The following ZNF521 variants were observed in gnomAD, a reference collection of about 807,000 sequenced individuals.
The protein encoded by ZNF521 is LYST-interacting protein 3.
ZNF521 carries 14 observed loss-of-function variants against 105.5 expected under a neutral mutation model. That is an observed-to-expected ratio of 0.13 (90% CI 0.09 to 0.21). The LOEUF is 0.21. Among genes scored for constraint, ZNF521 ranks in the 10% least tolerant of loss-of-function variants. The pLI, the probability that ZNF521 is intolerant of heterozygous loss-of-function variation, is 1.00. For synonymous variants in ZNF521, 635 were observed against 606.0 expected (o/e 1.05, Z -0.70); for missense variants, 1,233 against 1,629.7 (o/e 0.76, Z 4.19).
At chr18:25,120,582 T>TAAAAA (rs796811110) in intron 5 of ZNF521, among the ~76,000 whole-genome samples, 1 of 11,366 alleles carries the variant, frequency 8.8e-5, no homozygotes, top group African/African-American at 1.6e-4. Flanking sequence ...AAACTCCATC[T>TAAAAA]AAAAAAAAAA....
At chr18:25,273,352 T>A (rs1331302202) in intron 3 of ZNF521, 1 of 150,356 alleles carries the variant, frequency 6.7e-6, no homozygotes, top group Non-Finnish European at 1.5e-5. Flanking sequence ...CCCTACTGGA[T>A]AGCTTCCCTC....
intron 5 of ZNF521, among the ~76,000 whole-genome samples, chr18:25,111,421 T>C (rs1464383260): frequency 6.6e-6 from 1 of 152,208 alleles, no homozygotes; most frequent in Non-Finnish European, 1.5e-5. Flanking sequence ...TGAGGACTCA[T>C]GTGATTTTAA....
chr18:25,307,070 C>G (rs1031328153), intron 3 of ZNF521, among the ~76,000 whole-genome samples: 1 of 152,124 alleles, frequency 6.6e-6, no homozygotes, highest in Admixed American at 6.5e-5. Context: ...AGAGACACAA[C>G]TAATCAATTA....
intron 3 of ZNF521, among the ~76,000 whole-genome samples, chr18:25,239,792 GAGA>G (rs766035532): frequency 3.3e-5 from 5 of 152,154 alleles, no homozygotes; most frequent in Non-Finnish European, 5.9e-5. Flanking sequence ...GAGGGGGGAG[GAGA>G]AGGAGGGCTT....
At chr18:25,311,539 G>T (rs1912309333) in intron 3 of ZNF521, among the ~76,000 whole-genome samples, 3 of 152,060 alleles carry the variant, frequency 2.0e-5, no homozygotes, top group Admixed American at 2.0e-4. Flanking sequence ...ACTGCAGAGG[G>T]CCTAAGAAAT....
intron 3 of ZNF521, among the ~76,000 whole-genome samples, chr18:25,316,678 CT>C (rs1912638783): frequency 6.6e-6 from 1 of 152,100 alleles, no homozygotes; most frequent in Non-Finnish European, 1.5e-5. Context: ...TGGATCGTTC[CT>C]GATTTCATTT....
At chr18:25,155,417 T>A (rs1348535249) in intron 5 of ZNF521, among the ~76,000 whole-genome samples, 2 of 152,146 alleles carry the variant, frequency 1.3e-5, no homozygotes, top group Non-Finnish European at 2.9e-5. Flanking sequence ...AGTTTTTTAG[T>A]TTGATGTAGC....
At chr18:25,064,440 A>G (rs1043449103) in intron 7 of ZNF521, among the ~76,000 whole-genome samples, 2 of 152,254 alleles carry the variant, frequency 1.3e-5, no homozygotes, top group African/African-American at 4.8e-5. Context: ...GTACGTTTGC[A>G]GACCTGCAAC....
At chr18:25,248,704 G>A (rs1427164710) in intron 3 of ZNF521, among the ~76,000 whole-genome samples, 2 of 152,108 alleles carry the variant, frequency 1.3e-5, no homozygotes, top group African/African-American at 4.8e-5. Flanking sequence ...GTAAGACCTT[G>A]CAGGCACTGG....
intron 4 of ZNF521, among the ~76,000 whole-genome samples, chr18:25,210,984 G>T (rs181635551): frequency 1.1e-4 from 16 of 152,270 alleles, no homozygotes; most frequent in African/African-American, 3.9e-4. Context: ...TAATAAATCT[G>T]TTATCACAAA....
At chr18:25,187,660 A>G (rs2035749559) in intron 5 of ZNF521, among the ~76,000 whole-genome samples, 1 of 152,180 alleles carries the variant, frequency 6.6e-6, no homozygotes, top group Non-Finnish European at 1.5e-5. Flanking sequence ...TGTGATGTAC[A>G]GTACAGAGAA....
intron 5 of ZNF521, among the ~76,000 whole-genome samples, chr18:25,115,594 A>G (rs1437143331): frequency 6.6e-6 from 1 of 152,226 alleles, no homozygotes; most frequent in Non-Finnish European, 1.5e-5. Flanking sequence ...ATGCATGTTT[A>G]GATTTGTCTT....
At position 25,312,817 on chromosome 18, in the gene ZNF521, CAA is replaced by C. The variant is rs11343299; in HGVS notation, c.220+9189_220+9190del. 1.4e-3 allele frequency among the ~76,000 whole-genome samples: 23 copies of C among 16,248 alleles called. 1 individual carries two copies. Among genetic ancestry groups the C allele is most frequent in the African/African-American group, 4.5e-3 (22 of 4,886 alleles). 10.7% of individuals were successfully genotyped at this position (16,248 alleles called of 152,430 possible). ...TGGGCGACAGAGCGAGACTCCGTCT[CAA>C]AAAAAAAAAAAAAAAAAAAAAAGAA... On this transcript the variant is annotated intron_variant, in intron 3 of 7. Transcript: ENST00000361524.
chr18:25,225,542 A>G lies in ZNF521; in HGVS notation c.2376T>C (p.Phe792=). 1 of 1,614,192 alleles carries G rather than the reference A, an allele frequency of 6.2e-7. No homozygotes were observed. Among genetic ancestry groups the G allele is most frequent in the South Asian group, 1.1e-5 (1 of 91,086 alleles). ...VHKCIFCGES[F]GTEVELQCHI... ...GGCATTGCAGCTCCACCTCGGTGCCAAAGGACTCACCGCAGAAAATGCACT... is the reference window on the plus strand; with the variant it reads ...GGCATTGCAGCTCCACCTCGGTGCCGAAGGACTCACCGCAGAAAATGCACT... The change falls in exon 4 of 8, where the codon TTT becomes TTC. Residue 792 remains phenylalanine, a synonymous_variant. Transcript: ENST00000361524. The surrounding 1 kb of genome is among the most constrained non-coding windows in gnomAD (Gnocchi z 5.6).
intron 2 of ZNF521, among the ~76,000 whole-genome samples, chr18:25,337,341 G>C (rs550775935): frequency 6.6e-6 from 1 of 152,230 alleles, no homozygotes; most frequent in South Asian, 2.1e-4. Flanking sequence ...TGGCAAAAGA[G>C]AAAAAACTAC....
intron 5 of ZNF521, among the ~76,000 whole-genome samples, chr18:25,127,945 CAGAG>C (rs1481501306): frequency 2.6e-5 from 4 of 151,892 alleles, no homozygotes; most frequent in African/African-American, 9.7e-5. Context: ...AAAACAGAAT[CAGAG>C]AGAACATTTC....
chr18:25,121,316 G>A (rs553495689), intron 5 of ZNF521, among the ~76,000 whole-genome samples: 7 of 142,212 alleles, frequency 4.9e-5, no homozygotes, highest in African/African-American at 1.1e-4. Context: ...TCTGTTGCCC[G>A]CGATCTCAGC....
intron 3 of ZNF521, among the ~76,000 whole-genome samples, chr18:25,294,086 G>A (rs1470066331): frequency 6.6e-6 from 1 of 152,128 alleles, no homozygotes; most frequent in Non-Finnish European, 1.5e-5. Context: ...AAAAAGAAAT[G>A]ATTTTATTAG....
At chr18:25,321,860 G>T in intron 3 of ZNF521, 148 bp downstream of exon 3, 1 of 741,322 alleles carries the variant, frequency 1.3e-6, no homozygotes, top group African/African-American at 1.8e-5. Context: ...AACCATCTCA[G>T]AATTCTTTCA....
Sources: gnomAD v4.1 joint callset for allele counts (sites outside exome capture counted in the v4.1 genomes callset) on GRCh38, gnomAD v4.1.1 for gene constraint, Gnocchi (gnomAD v3.1) non-coding constraint, MANE v1.5 for transcripts, NCBI Gene and HGNC (gene_info 2026-07-23, HGNC 2026-07-21) for gene names.